MLLT3: variants seen among roughly 807,000 people sequenced by gnomAD.
MLLT3 encodes protein AF-9.
A neutral mutation model predicts 53.2 loss-of-function variants in MLLT3; 4 were observed. The observed-to-expected ratio is 0.08, with a 90% CI of 0.04 to 0.17. MLLT3 has a LOEUF of 0.17. MLLT3 is among the 10% of genes least tolerant of loss of function. MLLT3 has a pLI of 1.00. For synonymous variants in MLLT3, 283 were observed against 230.6 expected, an observed-to-expected ratio of 1.23 and a Z score of -2.06; for missense variants, 569 against 684.0, an observed-to-expected ratio of 0.83 and a Z score of 1.87.
intron 3 of MLLT3, among the ~76,000 whole-genome samples, chr9:20,455,220 G>C (rs1051868545): frequency 6.6e-6 from 1 of 152,248 alleles, no homozygotes; most frequent in Non-Finnish European, 1.5e-5. Context: ...CACTAAGAAA[G>C]ATAATCATTA....
chr9:20,469,337 A>G (rs147185773), intron 2 of MLLT3, among the ~76,000 whole-genome samples: 3 of 152,156 alleles, frequency 2.0e-5, no homozygotes, highest in Non-Finnish European at 2.9e-5. Flanking sequence ...AACTGTTTGC[A>G]CATTAGGCAT....
At position 20,422,465 on chromosome 9, in the gene MLLT3, T is replaced by C. The variant is rs953484533; in HGVS notation, c.421-8040A>G. Among the ~76,000 whole-genome samples, 7 of 152,116 alleles carry C rather than the reference T, an allele frequency of 4.6e-5. 1 individual carries two copies. The highest frequency in any genetic ancestry group is 4.6e-4 in the Admixed American group (7 of 15,266). On this transcript the variant is annotated intron_variant, in intron 4 of 10. Transcript: ENST00000380338. ...CCTCAATTTACCCAGATCTGTAAAA[T>C]AACCAATATAGATATAACCACACTT...
intron 2 of MLLT3, among the ~76,000 whole-genome samples, chr9:20,496,967 C>T (rs573462017): frequency 4.6e-5 from 7 of 152,362 alleles, no homozygotes; most frequent in Admixed American, 1.3e-4. Context: ...TGGACTTTCA[C>T]TTGTCAAGCT....
intron 2 of MLLT3, among the ~76,000 whole-genome samples, chr9:20,565,363 T>C (rs143041305): frequency 6.6e-5 from 10 of 152,246 alleles, no homozygotes; most frequent in African/African-American, 2.4e-4. Context: ...AATGCAACTG[T>C]GCTCTTGGTG....
rs372895865 is a variant in MLLT3 at position 20,376,106 on chromosome 9, T to G, written c.1126-10362A>C. Among the ~76,000 whole-genome samples the G allele has an allele frequency of 3.3e-5, 5 of 152,282 alleles. 1 individual carries two copies. Among genetic ancestry groups the G allele is most frequent in the East Asian group, 1.9e-4 (1 of 5,190 alleles). On this transcript the variant is annotated intron_variant, in intron 5 of 10. Transcript: ENST00000380338. ...ATAATATCCAAGAAAAAAATACCAT[T>G]TAATGCTTTAAATAAGCTGTTAACA...
chr9:20,454,182 C>T (rs1219906129), intron 3 of MLLT3, among the ~76,000 whole-genome samples: 1 of 151,922 alleles, frequency 6.6e-6, no homozygotes, highest in Non-Finnish European at 1.5e-5. Context: ...CCCAATGTGC[C>T]TTCATTATAT....
intron 2 of MLLT3, among the ~76,000 whole-genome samples, chr9:20,492,686 T>TG (rs376820385): frequency 2.0e-5 from 3 of 152,042 alleles, no homozygotes; most frequent in Admixed American, 6.6e-5. Context: ...AATTAGCACC[T>TG]GCTTCAAAAC....
intron 4 of MLLT3, chr9:20,418,205 G>A (rs1344460250): frequency 1.3e-5 from 2 of 152,166 alleles, no homozygotes; most frequent in African/African-American, 4.8e-5. Context: ...ATATGTAGGG[G>A]TAGGAAAAAC....
rs1038225897 is a variant in MLLT3, at chr9:20,594,513, G to T, written c.193+26141C>A. 5.3e-5 allele frequency among the ~76,000 whole-genome samples: 8 copies of T among 152,258 alleles called. No homozygotes were observed. The East Asian group carries it at 1.4e-3, about 26-fold the overall frequency. On this transcript the variant is annotated intron_variant, in intron 2 of 10. Transcript: ENST00000380338. Reference sequence around the variant, plus strand: ...ATATGTCAGAGGTGTTTGAACCAGAGCAAGTCCATGTTGAATAGGGGCTGG... The same window carrying T: ...ATATGTCAGAGGTGTTTGAACCAGATCAAGTCCATGTTGAATAGGGGCTGG...
intron 4 of MLLT3, among the ~76,000 whole-genome samples, chr9:20,417,960 C>T (rs776354994): frequency 2.0e-5 from 3 of 152,148 alleles, no homozygotes; most frequent in Non-Finnish European, 2.9e-5. Flanking sequence ...CGTTTCTTCC[C>T]GCTGGCTATC....
chr9:20,520,358 A>T (rs1025687648), intron 2 of MLLT3, among the ~76,000 whole-genome samples: 8 of 147,030 alleles, frequency 5.4e-5, no homozygotes, highest in East Asian at 3.9e-4. Flanking sequence ...AAGTCAAATT[A>T]AAAAAAAAAA....
chr9:20,617,162 T>C (rs973268187), intron 2 of MLLT3, among the ~76,000 whole-genome samples: 1 of 152,188 alleles, frequency 6.6e-6, no homozygotes, highest in African/African-American at 2.4e-5. Flanking sequence ...TTCATTTTGT[T>C]CCTTATATCT....
intron 2 of MLLT3, among the ~76,000 whole-genome samples, chr9:20,596,716 AAAT>A (rs1442533196): frequency 6.6e-6 from 1 of 152,176 alleles, no homozygotes; most frequent in Non-Finnish European, 1.5e-5. Flanking sequence ...AAATAAAATA[AAAT>A]AATAAGCTGC....
intron 4 of MLLT3, among the ~76,000 whole-genome samples, chr9:20,424,537 C>T (rs1409871708): frequency 1.3e-5 from 2 of 152,012 alleles, no homozygotes; most frequent in Admixed American, 6.6e-5. Flanking sequence ...TTTAAGAAAA[C>T]TGGAGAATCT....
At chr9:20,483,603 C>T (rs891500764) in intron 2 of MLLT3, among the ~76,000 whole-genome samples, 21 of 150,518 alleles carry the variant, frequency 1.4e-4, no homozygotes, top group Non-Finnish European at 7.4e-5. Flanking sequence ...CACCAGCAAA[C>T]TGTTAATACC....
intron 2 of MLLT3, among the ~76,000 whole-genome samples, chr9:20,564,093 A>G (rs1819287491): frequency 6.6e-6 from 1 of 152,152 alleles, no homozygotes; most frequent in South Asian, 2.1e-4. Context: ...TCATCATTCT[A>G]AATATACGGG....
chr9:20,413,866 A>G lies in MLLT3; in HGVS notation c.980T>C (p.Ile327Thr). Residue 327 changes from isoleucine to threonine, a missense_variant, in exon 5 of 11, where the codon ATA becomes ACA. Transcript: ENST00000380338. ...CATCTTGACATGAGATTTATCTTTTATCTGTTTTTTGTCAGCAGAACAAGT... is the reference window on the plus strand; with the variant it reads ...CATCTTGACATGAGATTTATCTTTTGTCTGTTTTTTGTCAGCAGAACAAGT... ...ILTCSADKKQIKDKSHVKMGK... is the reference protein window; with the variant it reads ...ILTCSADKKQTKDKSHVKMGK... 6.2e-7 allele frequency: 1 copy of G among 1,614,014 alleles called. No individual in the cohort carries two copies. Among genetic ancestry groups the G allele is most frequent in the South Asian group, 1.1e-5 (1 of 91,070 alleles).
intron 2 of MLLT3, among the ~76,000 whole-genome samples, chr9:20,488,198 C>G (rs1040175307): frequency 6.6e-6 from 1 of 151,734 alleles, no homozygotes; most frequent in Admixed American, 6.6e-5. Flanking sequence ...TGCCAGGGGT[C>G]AGAAGGAGGG....
At chr9:20,453,741 A>G (rs913908163) in intron 3 of MLLT3, among the ~76,000 whole-genome samples, 5 of 152,176 alleles carry the variant, frequency 3.3e-5, no homozygotes, top group African/African-American at 9.7e-5. Flanking sequence ...TGATATAACC[A>G]TGCACATATA....
Sources: allele counts gnomAD v4.1 joint callset (sites outside exome capture counted in the v4.1 genomes callset), GRCh38; gene constraint gnomAD v4.1.1; transcripts MANE v1.5; gene names NCBI Gene and HGNC (gene_info 2026-07-23, HGNC 2026-07-21).